Variants in NMNAT2 observed in about 807,000 individuals in gnomAD.
The protein encoded by NMNAT2 is nicotinamide/nicotinic acid mononucleotide adenylyltransferase 2.
A neutral mutation model predicts 41.6 loss-of-function variants in NMNAT2; 11 were observed. The observed-to-expected ratio is 0.26, with a 90% CI of 0.17 to 0.44. The LOEUF (loss-of-function observed/expected upper bound fraction) is 0.44. Ranked by LOEUF, NMNAT2 falls within the 20% of genes least tolerant of loss-of-function variation. The pLI is 1.00. For synonymous variants in NMNAT2, 148 were observed against 151.2 expected, an observed-to-expected ratio of 0.98 and a Z score of 0.16; for missense variants, 288 against 407.7, an observed-to-expected ratio of 0.71 and a Z score of 2.53.
In NMNAT2 at chr1:183,251,232, T is replaced by C. The variant is rs1660366705; in HGVS notation, c.*1409A>G. The stretch of plus-strand genomic sequence containing the variant: ...CTATTAGGGAGATTTTCTCAGACAG[T>C]TCCTGCAGCTCCCAGGCTCTGCAGG... On this transcript the variant is annotated 3_prime_UTR_variant, in exon 11 of 11. Coordinates refer to ENST00000287713, the MANE Select transcript of NMNAT2 (RefSeq NM_015039.4). The C allele has an allele frequency of 6.6e-6, 1 of 152,208 alleles. No homozygotes were observed. Among genetic ancestry groups the C allele is most frequent in the Non-Finnish European group, 1.5e-5 (1 of 68,054 alleles). 9.4% of individuals were successfully genotyped at this position (152,208 alleles called of 1,614,324 possible).
At chr1:183,255,369 T>C (rs934533116) in intron 10 of NMNAT2, among the ~76,000 whole-genome samples, 1 of 152,226 alleles carries the variant, frequency 6.6e-6, no homozygotes, top group African/African-American at 2.4e-5. Flanking sequence ...AACTTTTTTT[T>C]TCTCATAATT....
intron 1 of NMNAT2, among the ~76,000 whole-genome samples, chr1:183,410,361 A>G (rs1461954492): frequency 2.0e-5 from 3 of 151,900 alleles, no homozygotes; most frequent in Non-Finnish European, 4.4e-5. Context: ...AAATAAAATC[A>G]TGAAAAGAAA....
At chr1:183,293,944 T>C (rs1246862721) in intron 1 of NMNAT2, 151 bp from the exon 2 acceptor site, 1 of 638,558 alleles carries the variant, frequency 1.6e-6, no homozygotes, top group Non-Finnish European at 2.7e-6. Flanking sequence ...TCAAAGCAAA[T>C]GTTGGTGATT....
At chr1:183,261,360 G>A in intron 8 of NMNAT2, 57 bp from the exon 9 acceptor site, 1 of 1,401,050 alleles carries the variant, frequency 7.1e-7, no homozygotes, top group Non-Finnish European at 1.0e-6. Flanking sequence ...CTCCTACCAA[G>A]CAACTACTTA....
intron 10 of NMNAT2, among the ~76,000 whole-genome samples, chr1:183,257,124 T>C (rs985833706): frequency 6.6e-6 from 1 of 152,110 alleles, no homozygotes; most frequent in Non-Finnish European, 1.5e-5. Context: ...GAGGTATTCC[T>C]TCCAGCTGTA....
chr1:183,399,338 T>C lies in NMNAT2; in HGVS notation c.85+18845A>G, dbSNP rs375749530. ...AGAAATGGATAAATTCCTAGACATA[T>C]ACACCCTCCCAAGACTAAACCAGGA... On this transcript the variant is annotated intron_variant, in intron 1 of 10. Transcript: ENST00000287713. 3.3e-5 allele frequency among the ~76,000 whole-genome samples: 5 copies of C among 152,246 alleles called. No individual in the cohort carries two copies. The East Asian group carries it at 9.7e-4, about 29-fold the overall frequency.
chr1:183,292,438 C>T (rs17542153), intron 3 of NMNAT2, among the ~76,000 whole-genome samples: 2,132 of 152,206 alleles, frequency 0.014, 26 homozygotes, highest in Non-Finnish European at 0.017. Context: ...TGAGGGTTCG[C>T]GGAAGTTAGT....
intron 1 of NMNAT2, among the ~76,000 whole-genome samples, chr1:183,330,259 G>A (rs1014440031): frequency 1.3e-5 from 2 of 152,232 alleles, no homozygotes; most frequent in Non-Finnish European, 2.9e-5. Context: ...ATTTTGAACA[G>A]TGCCTGGCAC....
At chr1:183,392,407 T>G (rs762810531) in intron 1 of NMNAT2, among the ~76,000 whole-genome samples, 7 of 152,220 alleles carry the variant, frequency 4.6e-5, no homozygotes, top group Non-Finnish European at 8.8e-5. Flanking sequence ...CTCCTATAGA[T>G]TACACGCAGT....
intron 1 of NMNAT2, among the ~76,000 whole-genome samples, chr1:183,345,157 TG>T (rs1662901114): frequency 6.6e-6 from 1 of 152,052 alleles, no homozygotes; most frequent in Non-Finnish European, 1.5e-5. Context: ...CTAGCTGACT[TG>T]CTTCTACTAA....
intron 1 of NMNAT2, among the ~76,000 whole-genome samples, chr1:183,390,434 G>A (rs979462068): frequency 3.9e-5 from 6 of 152,082 alleles, no homozygotes; most frequent in Non-Finnish European, 7.4e-5. Context: ...TTTGTTTAAC[G>A]CCGGGTATGC....
intron 7 of NMNAT2, among the ~76,000 whole-genome samples, chr1:183,281,028 G>A (rs10911297): frequency 0.094 from 14,299 of 151,890 alleles, 818 homozygotes; most frequent in East Asian, 0.19. Context: ...CAGGTGACCC[G>A]CCAGCCTCGG....
intron 1 of NMNAT2, among the ~76,000 whole-genome samples, chr1:183,363,059 CT>C (rs1448274049): frequency 6.6e-6 from 1 of 152,150 alleles, no homozygotes; most frequent in African/African-American, 2.4e-5. Flanking sequence ...TGTTGAGCAA[CT>C]TTTTAGGAGT....
At chr1:183,325,974 C>G (rs373041922) in intron 1 of NMNAT2, among the ~76,000 whole-genome samples, 1 of 152,160 alleles carries the variant, frequency 6.6e-6, no homozygotes, top group African/African-American at 2.4e-5. Flanking sequence ...GGGAGGGAGA[C>G]AAACAGCACA....
At chr1:183,307,694 C>T (rs983620107) in intron 1 of NMNAT2, among the ~76,000 whole-genome samples, 7 of 152,188 alleles carry the variant, frequency 4.6e-5, no homozygotes, top group African/African-American at 1.4e-4. Flanking sequence ...CTGCCCACCT[C>T]GGCCTCCCAA....
chr1:183,296,812 C>A (rs998862726), intron 1 of NMNAT2, among the ~76,000 whole-genome samples: 1 of 152,142 alleles, frequency 6.6e-6, no homozygotes, highest in African/African-American at 2.4e-5. Flanking sequence ...CCGCACCCAG[C>A]CCCATATTTG....
At chr1:183,364,081 G>A (rs1663364909) in intron 1 of NMNAT2, among the ~76,000 whole-genome samples, 1 of 152,176 alleles carries the variant, frequency 6.6e-6, no homozygotes, top group Non-Finnish European at 1.5e-5. Context: ...TATTCTATTA[G>A]GGAAGAATAA....
chr1:183,336,067 C>T (rs1360365782), intron 1 of NMNAT2, among the ~76,000 whole-genome samples: 1 of 152,214 alleles, frequency 6.6e-6, no homozygotes, highest in Non-Finnish European at 1.5e-5. Context: ...CTCATACCAA[C>T]TTTATTCCCT....
chr1:183,360,438 C>T (rs1327211458), intron 1 of NMNAT2, among the ~76,000 whole-genome samples: 2 of 152,010 alleles, frequency 1.3e-5, no homozygotes, highest in Non-Finnish European at 2.9e-5. Flanking sequence ...TATTTAGCCC[C>T]AGGTCCCAAC....
Sources: gnomAD v4.1 joint callset for allele counts (sites outside exome capture counted in the v4.1 genomes callset) on GRCh38, gnomAD v4.1.1 for gene constraint, MANE v1.5 for transcripts, NCBI Gene and HGNC (gene_info 2026-07-23, HGNC 2026-07-21) for gene names.